CAST: variants seen among roughly 807,000 people sequenced by gnomAD.
CAST encodes the protein calpastatin, also known as MIR583 host.
CAST carries 76 observed loss-of-function variants against 119.6 expected under a neutral mutation model. The observed-to-expected ratio is 0.64, with a 90% CI of 0.53 to 0.77. CAST has a LOEUF of 0.77. Among genes scored for constraint, CAST ranks in the 30% least tolerant of loss-of-function variants. The probability of loss-of-function intolerance (pLI) is 0.00; values close to 1 mark genes in which losing one functional copy is unlikely to be tolerated. For synonymous variants in CAST, 319 were observed against 331.6 expected, an observed-to-expected ratio of 0.96 and a Z score of 0.41; for missense variants, 953 against 946.5, an observed-to-expected ratio of 1.01 and a Z score of -0.09.
chr5:96,057,700 A>G, the CAST span, among the ~76,000 whole-genome samples: 4 of 152,190 alleles, frequency 2.6e-5, no homozygotes, highest in Non-Finnish European at 5.9e-5. Context: ...GAGAATAAAA[A>G]TACATTTACT....
At chr5:96,423,442 C>A in the CAST span, 1 of 1,613,998 alleles carries the variant, frequency 6.2e-7, no homozygotes, top group South Asian at 1.1e-5. Context: ...GCAGGGCTGC[C>A]GTCATCCTGG....
chr5:96,406,429 A>G, the CAST span, among the ~76,000 whole-genome samples: 2 of 152,106 alleles, frequency 1.3e-5, no homozygotes, highest in African/African-American at 2.4e-5. Context: ...AGGGCCCAAT[A>G]TCTATTTCTA....
intron 1 of CAST, among the ~76,000 whole-genome samples, chr5:96,605,651 A>G (rs922233476): frequency 1.3e-5 from 2 of 152,200 alleles, no homozygotes; most frequent in African/African-American, 4.8e-5. Flanking sequence ...TGAGGCATAT[A>G]GCTGAATTCC....
chr5:96,238,355 CTT>C, the CAST span, among the ~76,000 whole-genome samples: 128 of 73,000 alleles, frequency 1.8e-3, no homozygotes, highest in Middle Eastern at 7.6e-3. Flanking sequence ...TCATCTTCAT[CTT>C]CTTCTTCTCC....
At chr5:96,729,829 T>C (rs1561535863) in intron 8 of CAST, 104 bp downstream of exon 8, 1 of 655,288 alleles carries the variant, frequency 1.5e-6, no homozygotes. Flanking sequence ...GGGGCTGTGC[T>C]GAATATATTT....
At chr5:96,684,037 G>C (rs1751759078) in intron 2 of CAST, among the ~76,000 whole-genome samples, 1 of 152,204 alleles carries the variant, frequency 6.6e-6, no homozygotes, top group Non-Finnish European at 1.5e-5. Flanking sequence ...TATAGAAGCA[G>C]CATATGATAC....
At chr5:96,709,873 C>G (rs1189667906) in intron 3 of CAST, among the ~76,000 whole-genome samples, 1 of 152,188 alleles carries the variant, frequency 6.6e-6, no homozygotes, top group Non-Finnish European at 1.5e-5. Flanking sequence ...ATGTGTGCAG[C>G]ATTAGGGGTT....
At chr5:95,991,052 T>G in the CAST span, among the ~76,000 whole-genome samples, 14 of 152,202 alleles carry the variant, frequency 9.2e-5, no homozygotes, top group South Asian at 8.3e-4. Flanking sequence ...AGTTTAAAGG[T>G]TCTTGTGCAT....
At chr5:95,997,962 GGTTTTTTTTTTTTTT>G in the CAST span, among the ~76,000 whole-genome samples, 1 of 111,698 alleles carries the variant, frequency 9.0e-6, no homozygotes, top group South Asian at 3.4e-4. Flanking sequence ...TTTGAGAGAG[GGTTTTTTTTTTTTTT>G]TTTTTTTTTT....
the CAST span, chr5:96,416,041 T>A: frequency 6.7e-5 from 108 of 1,605,850 alleles, no homozygotes; most frequent in Non-Finnish European, 9.2e-5. Flanking sequence ...ACCTCCAACT[T>A]TGGAATTGTA....
chr5:96,724,281 A>G (rs966842304), intron 4 of CAST, among the ~76,000 whole-genome samples: 1 of 151,942 alleles, frequency 6.6e-6, no homozygotes. Context: ...CCTGGATGCA[A>G]GTGATCCTCC....
the CAST span, among the ~76,000 whole-genome samples, chr5:96,093,404 A>G: frequency 6.6e-6 from 1 of 152,268 alleles, no homozygotes; most frequent in Non-Finnish European, 1.5e-5. Flanking sequence ...GAAGCAGGGC[A>G]TTCCACTAAG....
the CAST span, among the ~76,000 whole-genome samples, chr5:96,428,123 A>G: frequency 2.8e-4 from 43 of 152,314 alleles, no homozygotes; most frequent in Non-Finnish European, 5.0e-4. Context: ...CCCTACCCTC[A>G]TAATTTGTCT....
the CAST span, chr5:96,397,512 A>G: frequency 1.3e-6 from 2 of 1,513,748 alleles, no homozygotes; most frequent in African/African-American, 1.4e-5. Context: ...AATAGCTCTG[A>G]TAGTAGGATA....
the CAST span, among the ~76,000 whole-genome samples, chr5:96,240,801 T>C: frequency 6.6e-6 from 1 of 151,036 alleles, no homozygotes; most frequent in Non-Finnish European, 1.5e-5. Context: ...ACTGATAATT[T>C]TACATACTTT....
chr5:96,026,865 G>C, the CAST span, among the ~76,000 whole-genome samples: 2 of 152,120 alleles, frequency 1.3e-5, no homozygotes, highest in Non-Finnish European at 2.9e-5. Flanking sequence ...TGTTATGTAT[G>C]GTGGCTGAAG....
At chr5:96,701,822 T>G (rs1001499918) in intron 3 of CAST, among the ~76,000 whole-genome samples, 4 of 148,290 alleles carry the variant, frequency 2.7e-5, no homozygotes, top group African/African-American at 1.0e-4. Flanking sequence ...AAAAAAAAAT[T>G]ATAAGGACAG....
At chr5:96,656,470 A>G (rs1281974538) in intron 1 of CAST, among the ~76,000 whole-genome samples, 1 of 152,148 alleles carries the variant, frequency 6.6e-6, no homozygotes, top group Non-Finnish European at 1.5e-5. Context: ...GTCTCCTCCT[A>G]TCTCTGCTTC....
At chr5:96,393,829 C>T in the CAST span, among the ~76,000 whole-genome samples, 3 of 152,158 alleles carry the variant, frequency 2.0e-5, no homozygotes, top group African/African-American at 7.2e-5. Context: ...TTCAGAACTA[C>T]CCTTTTAGCC....
Sources: allele counts gnomAD v4.1 joint callset (sites outside exome capture counted in the v4.1 genomes callset), GRCh38; gene constraint gnomAD v4.1.1; transcripts MANE v1.5; gene names NCBI Gene and HGNC (gene_info 2026-07-23, HGNC 2026-07-21).